The following POLN variants were observed in gnomAD, a reference collection of about 807,000 sequenced individuals.
POLN encodes the protein DNA polymerase N.
Under a neutral mutation model 113.5 loss-of-function variants are expected in POLN, and 108 were observed. The observed-to-expected ratio is 0.95, with a 90% CI of 0.81 to 1.12. The LOEUF (loss-of-function observed/expected upper bound fraction) is 1.12, where lower values mean the gene tolerates loss of function less well. POLN is among the 50% of genes most tolerant of loss of function. POLN has a pLI of 0.00. For missense variants in POLN, 1,097 were observed against 1,077.1 expected (o/e 1.02, Z -0.26); for synonymous variants, 386 against 391.5 (o/e 0.99, Z 0.17).
chr4:2,163,954 A>T (rs1414981212), intron 13 of POLN, among the ~76,000 whole-genome samples: 3 of 152,120 alleles, frequency 2.0e-5, no homozygotes, highest in Non-Finnish European at 1.5e-5. Flanking sequence ...CCCCTCCATA[A>T]ACAGTTCCTG....
At chr4:2,166,533 G>A (rs937802487) in intron 13 of POLN, among the ~76,000 whole-genome samples, 8 of 152,174 alleles carry the variant, frequency 5.3e-5, no homozygotes, top group East Asian at 1.9e-4. Context: ...GTGTCTGTGC[G>A]AGTGTTTCCA....
chr4:2,220,172 C>G (rs1285843524), intron 3 of POLN, among the ~76,000 whole-genome samples: 1 of 152,172 alleles, frequency 6.6e-6, no homozygotes, highest in Non-Finnish European at 1.5e-5. Context: ...TCCTTTGCCA[C>G]CTGGCACGAT....
At chr4:2,165,548 T>C (rs969721730) in intron 13 of POLN, among the ~76,000 whole-genome samples, 1 of 151,850 alleles carries the variant, frequency 6.6e-6, no homozygotes, top group Non-Finnish European at 1.5e-5. Context: ...ACACCAAGAG[T>C]GAACCCTACA....
At chr4:2,161,396 A>C (rs1732585035) in intron 13 of POLN, among the ~76,000 whole-genome samples, 1 of 152,194 alleles carries the variant, frequency 6.6e-6, no homozygotes, top group African/African-American at 2.4e-5. Flanking sequence ...CCGGGCAATG[A>C]GGGGCTTAGC....
chr4:2,231,731 A>G (rs1392141738), intron 2 of POLN: 2 of 433,138 alleles, frequency 4.6e-6, no homozygotes, highest in African/African-American at 4.2e-5. Flanking sequence ...ACCACTAAAC[A>G]CATGCTCAAG....
At chr4:2,107,342 T>C (rs17132232) in intron 19 of POLN, among the ~76,000 whole-genome samples, 16,828 of 152,214 alleles carry the variant, frequency 0.11, 3,138 homozygotes, top group African/African-American at 0.38. Context: ...TTTCATCAAC[T>C]AGAGTAACCA....
At chr4:2,161,468 C>T (rs1213099328) in intron 13 of POLN, among the ~76,000 whole-genome samples, 1 of 152,248 alleles carries the variant, frequency 6.6e-6, no homozygotes, top group African/African-American at 2.4e-5. Context: ...ACCGGCGCTG[C>T]GCTCGATTTC....
intron 2 of POLN, among the ~76,000 whole-genome samples, chr4:2,235,511 T>C (rs1433128925): frequency 6.6e-6 from 1 of 152,194 alleles, no homozygotes; most frequent in African/African-American, 2.4e-5. Flanking sequence ...ATAATTTCAT[T>C]GTGGAATATC....
chr4:2,237,421 G>A (rs1734805959), intron 2 of POLN, among the ~76,000 whole-genome samples: 1 of 151,768 alleles, frequency 6.6e-6, no homozygotes, highest in Admixed American at 6.6e-5. Flanking sequence ...AGGCAAGAGA[G>A]TGAGACCTTG....
intron 22 of POLN, 184 bp downstream of exon 22, chr4:2,081,449 G>A (rs912663537): frequency 3.2e-5 from 21 of 652,622 alleles, no homozygotes; most frequent in East Asian, 1.9e-4. Flanking sequence ...AAAGATGACC[G>A]TGTCCCCTCA....
At chr4:2,212,485 C>T (rs1020336109) in intron 4 of POLN, among the ~76,000 whole-genome samples, 5 of 152,172 alleles carry the variant, frequency 3.3e-5, no homozygotes, top group African/African-American at 7.2e-5. Context: ...AGTGATCCTC[C>T]AGCCTCAGCC....
chr4:2,134,620 G>C (rs962524411), intron 16 of POLN, among the ~76,000 whole-genome samples: 1 of 152,060 alleles, frequency 6.6e-6, no homozygotes, highest in Non-Finnish European at 1.5e-5. Flanking sequence ...TTGATACCAC[G>C]ACTTCTCCTC....
rs554967768 is a variant in POLN at position 2,188,560 on chromosome 4, C to T, written c.1021+4644G>A. Among the ~76,000 whole-genome samples the T allele has an allele frequency of 2.5e-4, 38 of 151,726 alleles. No individual in the cohort carries two copies. In the South Asian group the frequency reaches 7.7e-3, roughly 31 times the overall value. On this transcript the variant is annotated intron_variant, in intron 7 of 25. Coordinates refer to ENST00000511885, the MANE Select transcript of POLN (RefSeq NM_181808.4). ...AGCTTGCAGTGAGCCGAGATTGCGC[C>T]ACTGCACTCCAGCCTGGGCAACAGA...
intron 7 of POLN, among the ~76,000 whole-genome samples, chr4:2,180,939 C>T (rs1489539885): frequency 3.3e-5 from 5 of 151,114 alleles, no homozygotes; most frequent in Admixed American, 6.6e-5. Flanking sequence ...TAAGTAAATC[C>T]GAATAATATA....
chr4:2,080,183 G>A, intron 23 of POLN: 2 of 986,760 alleles, frequency 2.0e-6, no homozygotes, highest in Non-Finnish European at 2.4e-6. Flanking sequence ...GGAGAACGAG[G>A]AGAGGAGGTG....
At chr4:2,118,517 A>T (rs533865788) in intron 19 of POLN, among the ~76,000 whole-genome samples, 41 of 152,350 alleles carry the variant, frequency 2.7e-4, no homozygotes, top group African/African-American at 9.4e-4. Flanking sequence ...CTGTTGGCCC[A>T]TCTCTGCCTA....
intron 13 of POLN, among the ~76,000 whole-genome samples, chr4:2,165,301 C>T (rs1044241561): frequency 1.3e-5 from 2 of 152,134 alleles, no homozygotes; most frequent in African/African-American, 4.8e-5. Flanking sequence ...TAAGTGCCTA[C>T]CACTAAGTGA....
chr4:2,180,050 G>A (rs555507488), intron 7 of POLN, among the ~76,000 whole-genome samples: 1 of 152,318 alleles, frequency 6.6e-6, no homozygotes, highest in South Asian at 2.1e-4. Context: ...AAATCTACAA[G>A]ACAACTAATG....
intron 23 of POLN, chr4:2,079,826 C>T: frequency 1.0e-6 from 1 of 968,800 alleles, no homozygotes; most frequent in Non-Finnish European, 1.2e-6. Flanking sequence ...CTCAGGTGAT[C>T]CACCCGTCTC....
Sources: gnomAD v4.1 joint callset for allele counts (sites outside exome capture counted in the v4.1 genomes callset) on GRCh38, gnomAD v4.1.1 for gene constraint, MANE v1.5 for transcripts, NCBI Gene and HGNC (gene_info 2026-07-23, HGNC 2026-07-21) for gene names.